SPIDR: variants seen among roughly 807,000 people sequenced by gnomAD.
The protein encoded by SPIDR is scaffold protein involved in DNA repair, also known as DNA repair-scaffolding protein.
In SPIDR, 93 loss-of-function variants were observed where a neutral mutation model predicts 104.6. That is an observed-to-expected ratio of 0.89 (90% CI 0.75 to 1.06). SPIDR has a LOEUF of 1.06. Ranked by LOEUF, SPIDR falls within the 50% of genes least tolerant of loss-of-function variation. The pLI, the probability that SPIDR is intolerant of heterozygous loss-of-function variation, is 0.00. For missense variants in SPIDR, 1,154 were observed against 1,111.2 expected, an observed-to-expected ratio of 1.04 and a Z score of -0.55; for synonymous variants, 431 against 416.9, an observed-to-expected ratio of 1.03 and a Z score of -0.41.
intron 10 of SPIDR, among the ~76,000 whole-genome samples, chr8:47,660,060 A>C (rs150151596): frequency 6.6e-6 from 1 of 152,362 alleles, no homozygotes; most frequent in Non-Finnish European, 1.5e-5. Flanking sequence ...AATGAAAGAA[A>C]GGGAAAACAC....
intron 8 of SPIDR, among the ~76,000 whole-genome samples, chr8:47,555,260 A>G (rs2091180935): frequency 6.6e-6 from 1 of 152,222 alleles, no homozygotes; most frequent in African/African-American, 2.4e-5. Flanking sequence ...CTTTATTTCT[A>G]TAAAATAACA....
At position 47,475,345 on chromosome 8, in the gene SPIDR, A is replaced by G. The variant is rs565652491; in HGVS notation, c.1097+34803A>G. Reference sequence around the variant, plus strand: ...TCGGATTGGAGTGCAGTCATGAAAGATAGCAAAGATGTCTGGTCTGTTGTC... The same window carrying G: ...TCGGATTGGAGTGCAGTCATGAAAGGTAGCAAAGATGTCTGGTCTGTTGTC... On this transcript the variant is annotated intron_variant, in intron 8 of 19. Coordinates refer to ENST00000297423, the MANE Select transcript of SPIDR (RefSeq NM_001080394.4). Among the ~76,000 whole-genome samples the G allele has an allele frequency of 5.9e-5, 9 of 152,348 alleles. No individual in the cohort carries two copies. In the South Asian group the frequency reaches 1.4e-3, roughly 25 times the overall value.
chr8:47,594,266 T>C (rs1421902153), intron 8 of SPIDR, among the ~76,000 whole-genome samples: 1 of 150,604 alleles, frequency 6.6e-6, no homozygotes. Flanking sequence ...TCCCAGCTAT[T>C]TGGGAGGCTG....
At chr8:47,683,940 C>T (rs1396340076) in intron 11 of SPIDR, among the ~76,000 whole-genome samples, 1 of 151,812 alleles carries the variant, frequency 6.6e-6, no homozygotes, top group Non-Finnish European at 1.5e-5. Flanking sequence ...TCCTGGGTAA[C>T]ATGATGAAAC....
intron 8 of SPIDR, among the ~76,000 whole-genome samples, chr8:47,506,996 T>A (rs1474042987): frequency 6.6e-6 from 1 of 152,214 alleles, no homozygotes. Context: ...AAACAACCTC[T>A]GGGCTACTGT....
intron 6 of SPIDR, among the ~76,000 whole-genome samples, chr8:47,399,914 G>A (rs1018642045): frequency 2.0e-5 from 3 of 152,148 alleles, no homozygotes; most frequent in Non-Finnish European, 2.9e-5. Context: ...GATGACGGGC[G>A]CCCAGAGTTG....
intron 5 of SPIDR, among the ~76,000 whole-genome samples, chr8:47,313,564 T>C (rs587705851): frequency 1.6e-4 from 24 of 152,278 alleles, no homozygotes; most frequent in African/African-American, 4.1e-4. Context: ...AAAAACTACT[T>C]TAAAGTTCAT....
intron 8 of SPIDR, among the ~76,000 whole-genome samples, chr8:47,491,665 C>CT (rs2078736648): frequency 6.6e-6 from 1 of 152,098 alleles, no homozygotes; most frequent in Non-Finnish European, 1.5e-5. Context: ...TCTCTGCTGT[C>CT]TGCTTTGGTG....
At chr8:47,331,989 C>CTTT (rs1289524835) in intron 5 of SPIDR, among the ~76,000 whole-genome samples, 44 of 36,312 alleles carry the variant, frequency 1.2e-3, no homozygotes, top group Non-Finnish European at 1.6e-3. Context: ...TTTTTTTTCT[C>CTTT]TTTTTTTTTT....
intron 14 of SPIDR, among the ~76,000 whole-genome samples, chr8:47,709,380 T>G (rs1242203610): frequency 6.6e-6 from 1 of 152,228 alleles, no homozygotes. Flanking sequence ...CCTCAGGTGA[T>G]TCACCCGCCT....
chr8:47,735,576 T>G lies in SPIDR; in HGVS notation c.*126T>G. On this transcript the variant is annotated 3_prime_UTR_variant, in exon 20 of 20. Coordinates refer to ENST00000297423, the MANE Select transcript of SPIDR (RefSeq NM_001080394.4). ...GTAGTTTACGATCTTGAAATGAAAC[T>G]TAGATTTTTCTGGGGAAATGTTCAG... 2.0e-6 allele frequency: 3 copies of G among 1,526,940 alleles called. No homozygotes were observed. Among genetic ancestry groups the G allele is most frequent in the Non-Finnish European group, 2.7e-6 (3 of 1,132,052 alleles). 94.6% of individuals were successfully genotyped at this position (1,526,940 alleles called of 1,614,324 possible). A position where few individuals can be genotyped will look rare whatever the true frequency, so the allele number is the denominator to read the frequency against.
chr8:47,628,778 A>G (rs2066594171), intron 10 of SPIDR, among the ~76,000 whole-genome samples: 1 of 152,220 alleles, frequency 6.6e-6, no homozygotes, highest in Non-Finnish European at 1.5e-5. Flanking sequence ...CTGTCTAACA[A>G]AATGGAAATG....
chr8:47,638,229 C>T (rs1284996908), intron 10 of SPIDR, among the ~76,000 whole-genome samples: 2 of 151,996 alleles, frequency 1.3e-5, no homozygotes, highest in Non-Finnish European at 2.9e-5. Context: ...GCCATTTTTC[C>T]AAGGAGACCT....
At chr8:47,643,520 GT>G (rs2069600281) in intron 10 of SPIDR, among the ~76,000 whole-genome samples, 2 of 150,946 alleles carry the variant, frequency 1.3e-5, no homozygotes, top group African/African-American at 2.4e-5. Flanking sequence ...GGCTAGTGTT[GT>G]TGTTGTTGTT....
chr8:47,340,477 C>G (rs1338436605), intron 5 of SPIDR, among the ~76,000 whole-genome samples: 1 of 152,072 alleles, frequency 6.6e-6, no homozygotes, highest in Non-Finnish European at 1.5e-5. Context: ...TGGTGGCACC[C>G]TGTAGTCTCA....
chr8:47,731,374 AT>A (rs2085206078), intron 19 of SPIDR, among the ~76,000 whole-genome samples: 1 of 152,184 alleles, frequency 6.6e-6, no homozygotes, highest in Non-Finnish European at 1.5e-5. Flanking sequence ...ACAGGGACTG[AT>A]GCTGAGGCCG....
At chr8:47,303,266 G>C (rs1039395427) in intron 5 of SPIDR, among the ~76,000 whole-genome samples, 2 of 152,202 alleles carry the variant, frequency 1.3e-5, no homozygotes, top group African/African-American at 2.4e-5. Context: ...ATAATCTCCT[G>C]GTGTGCCATT....
intron 10 of SPIDR, among the ~76,000 whole-genome samples, chr8:47,657,993 G>A (rs1226181457): frequency 7.8e-6 from 1 of 128,586 alleles, no homozygotes; most frequent in Admixed American, 9.9e-5. Flanking sequence ...TCATGCCACT[G>A]CACACCAGCC....
intron 5 of SPIDR, among the ~76,000 whole-genome samples, chr8:47,361,257 C>G (rs2055850437): frequency 6.6e-6 from 1 of 152,184 alleles, no homozygotes; most frequent in South Asian, 2.1e-4. Flanking sequence ...ATGAATTTAT[C>G]ATGGGAATAA....
Sources: allele counts gnomAD v4.1 joint callset (sites outside exome capture counted in the v4.1 genomes callset), GRCh38; gene constraint gnomAD v4.1.1; transcripts MANE v1.5; gene names NCBI Gene and HGNC (gene_info 2026-07-23, HGNC 2026-07-21).